The following DAB1 variants were observed in gnomAD, a reference collection of about 807,000 sequenced individuals.
The protein encoded by DAB1 is DAB adaptor protein 1.
DAB1 carries 15 observed loss-of-function variants against 64.6 expected under a neutral mutation model. The ratio of observed to expected loss-of-function variants is 0.23; its 90% CI spans 0.16 to 0.36. The LOEUF is 0.36. Among genes scored for constraint, DAB1 ranks in the 10% least tolerant of loss-of-function variants. DAB1 has a pLI of 1.00. For synonymous variants in DAB1, 235 were observed against 251.9 expected, an observed-to-expected ratio of 0.93 and a Z score of 0.64; for missense variants, 596 against 706.7, an observed-to-expected ratio of 0.84 and a Z score of 1.78.
intron 6 of DAB1, among the ~76,000 whole-genome samples, chr1:57,694,217 C>T (rs1247225196): frequency 6.6e-6 from 1 of 152,096 alleles, no homozygotes; most frequent in African/African-American, 2.4e-5. Flanking sequence ...TCACTGAAGA[C>T]TTAGTCATGG....
At chr1:57,210,798 A>T (rs1245191241) in intron 2 of DAB1, among the ~76,000 whole-genome samples, 4 of 152,232 alleles carry the variant, frequency 2.6e-5, no homozygotes, top group African/African-American at 9.6e-5. Context: ...CCAATAGAAA[A>T]TATTTTAAAA....
intron 1 of DAB1, among the ~76,000 whole-genome samples, chr1:57,414,166 A>T (rs1168073999): frequency 1.3e-5 from 2 of 152,354 alleles, no homozygotes; most frequent in South Asian, 2.1e-4. Flanking sequence ...TTTTGAAAAA[A>T]GTTCTGCTGT....
chr1:57,287,784 T>TTATTTATTTATA (rs1478757969), intron 2 of DAB1, among the ~76,000 whole-genome samples: 7 of 137,966 alleles, frequency 5.1e-5, no homozygotes, highest in African/African-American at 1.8e-4. Flanking sequence ...TCTCTTTTAT[T>TTATTTATTTATA]TATTTATTTA....
At chr1:57,182,214 C>T (rs1186209231) in intron 2 of DAB1, among the ~76,000 whole-genome samples, 1 of 152,288 alleles carries the variant, frequency 6.6e-6, no homozygotes, top group East Asian at 1.9e-4. Flanking sequence ...CACTGACAGG[C>T]ACTCAAGTAC....
At chr1:58,288,038 A>AAAAAAAAAAAAAAAAAG (rs1557722959) in intron 4 of DAB1, among the ~76,000 whole-genome samples, 2 of 122,660 alleles carry the variant, frequency 1.6e-5, no homozygotes, top group Non-Finnish European at 1.7e-5. Flanking sequence ...AAAAAAAAAA[A>AAAAAAAAAAAAAAAAAG]AAAAAAAGAA....
intron 5 of DAB1, among the ~76,000 whole-genome samples, chr1:58,025,490 TAG>T (rs1289630664): frequency 6.6e-6 from 1 of 151,448 alleles, no homozygotes; most frequent in Non-Finnish European, 1.5e-5. Flanking sequence ...TTCAGCTTCA[TAG>T]ATTTTGTTTC....
intron 1 of DAB1, among the ~76,000 whole-genome samples, chr1:57,851,329 C>A (rs1409775369): frequency 6.6e-6 from 1 of 152,226 alleles, no homozygotes; most frequent in Non-Finnish European, 1.5e-5. Flanking sequence ...ATTAGCAACA[C>A]CTGTTCACTT....
chr1:58,510,756 C>A (rs1274500781), intron 2 of DAB1, among the ~76,000 whole-genome samples: 3 of 151,826 alleles, frequency 2.0e-5, no homozygotes, highest in African/African-American at 7.3e-5. Context: ...CCTGCTAGAA[C>A]TAATAAATAA....
upstream of DAB1, among the ~76,000 whole-genome samples, chr1:57,428,705 T>C (rs1384703979): frequency 6.6e-6 from 1 of 152,144 alleles, no homozygotes; most frequent in Non-Finnish European, 1.5e-5. Flanking sequence ...GAACATATGG[T>C]AGTTCTATTT....
chr1:57,527,764 G>T (rs1163019182), intron 7 of DAB1, among the ~76,000 whole-genome samples: 3 of 152,080 alleles, frequency 2.0e-5, no homozygotes, highest in Admixed American at 6.5e-5. Context: ...ATAGGGTCAG[G>T]GAGTTGATAG....
intron 3 of DAB1, among the ~76,000 whole-genome samples, chr1:57,137,383 C>A (rs767326301): frequency 1.3e-5 from 2 of 152,118 alleles, no homozygotes; most frequent in Non-Finnish European, 2.9e-5. Flanking sequence ...TAGGACAGTC[C>A]GTGGAGGGCA....
intron 3 of DAB1, among the ~76,000 whole-genome samples, chr1:58,453,489 T>A (rs182546017): frequency 1.3e-5 from 2 of 152,196 alleles, no homozygotes; most frequent in African/African-American, 4.8e-5. Flanking sequence ...TGTCAGCCTA[T>A]CTGTAGCAAT....
chr1:58,002,678 T>TAGAGAGAGAGAGAC (rs1248944974), intron 5 of DAB1, among the ~76,000 whole-genome samples: 1 of 151,774 alleles, frequency 6.6e-6, no homozygotes. Flanking sequence ...TATATATATA[T>TAGAGAGAGAGAGAC]ATAGAGAGAG....
At chr1:57,795,722 T>TC in intron 6 of DAB1, among the ~76,000 whole-genome samples, 2 of 132,686 alleles carry the variant, frequency 1.5e-5, no homozygotes, top group Admixed American at 1.5e-4. Context: ...TATATATATA[T>TC]ATATATATAT....
intron 1 of DAB1, among the ~76,000 whole-genome samples, chr1:57,310,264 T>C (rs1674573556): frequency 1.3e-5 from 2 of 152,112 alleles, no homozygotes; most frequent in South Asian, 4.1e-4. Flanking sequence ...GAGATGACAT[T>C]GGAGCAAAAC....
chr1:58,135,961 G>A (rs1445851231), intron 5 of DAB1, among the ~76,000 whole-genome samples: 1 of 152,100 alleles, frequency 6.6e-6, no homozygotes, highest in Non-Finnish European at 1.5e-5. Flanking sequence ...GCGGTGCAGT[G>A]TACTCATGTG....
At chr1:57,718,963 GAA>G (rs59054861) in intron 6 of DAB1, among the ~76,000 whole-genome samples, 1 of 142,584 alleles carries the variant, frequency 7.0e-6, no homozygotes, top group African/African-American at 2.6e-5. Flanking sequence ...CCAGTAAAAG[GAA>G]AAAAAAAAAG....
chr1:58,269,344 T>C (rs1322660067), intron 4 of DAB1, among the ~76,000 whole-genome samples: 2 of 151,346 alleles, frequency 1.3e-5, no homozygotes, highest in Non-Finnish European at 3.0e-5. Context: ...GGACATGAAC[T>C]CATCATTTTT....
chr1:58,458,552 C>T (rs1418406124), intron 3 of DAB1, among the ~76,000 whole-genome samples: 2 of 152,138 alleles, frequency 1.3e-5, no homozygotes, highest in Non-Finnish European at 2.9e-5. Context: ...GCCTGTAATC[C>T]CAGCATTTTG....
Sources: gnomAD v4.1 joint callset for allele counts (sites outside exome capture counted in the v4.1 genomes callset) on GRCh38, gnomAD v4.1.1 for gene constraint, MANE v1.5 for transcripts, NCBI Gene and HGNC (gene_info 2026-07-23, HGNC 2026-07-21) for gene names.